PTPRK: variants seen among roughly 807,000 people sequenced by gnomAD.
PTPRK encodes receptor-type tyrosine-protein phosphatase kappa.
Under a neutral mutation model 178.0 loss-of-function variants are expected in PTPRK, and 75 were observed. That is an observed-to-expected ratio of 0.42 (90% CI 0.35 to 0.51). PTPRK has a LOEUF of 0.51. Ranked by LOEUF, PTPRK falls within the 20% of genes least tolerant of loss-of-function variation. The pLI, the probability that PTPRK is intolerant of heterozygous loss-of-function variation, is 0.02. For missense variants in PTPRK, 1,441 were observed against 1,797.8 expected, an observed-to-expected ratio of 0.80 and a Z score of 3.59; for synonymous variants, 637 against 620.6, an observed-to-expected ratio of 1.03 and a Z score of -0.39.
At chr6:128,170,992 T>G (rs1800161720) in intron 7 of PTPRK, among the ~76,000 whole-genome samples, 1 of 151,786 alleles carries the variant, frequency 6.6e-6, no homozygotes, top group African/African-American at 2.4e-5. Flanking sequence ...AATAAACGAA[T>G]TACACATTTC....
At chr6:128,055,239 A>C (rs1281958897) in intron 13 of PTPRK, among the ~76,000 whole-genome samples, 1 of 152,230 alleles carries the variant, frequency 6.6e-6, no homozygotes, top group East Asian at 1.9e-4. Context: ...AACAGCCCTC[A>C]AAGCACTTTC....
intron 1 of PTPRK, among the ~76,000 whole-genome samples, chr6:128,504,235 A>G (rs1289148048): frequency 1.3e-5 from 2 of 152,168 alleles, no homozygotes; most frequent in Admixed American, 6.5e-5. Context: ...TGCTGACATG[A>G]CATCCTGCCC....
chr6:128,433,826 G>GTTTTT (rs563277558), intron 1 of PTPRK, among the ~76,000 whole-genome samples: 51 of 129,356 alleles, frequency 3.9e-4, no homozygotes, highest in African/African-American at 1.3e-3. Flanking sequence ...CTCTAACACT[G>GTTTTT]TTTTTTTTTT....
intron 2 of PTPRK, among the ~76,000 whole-genome samples, chr6:128,395,172 A>G (rs1840127817): frequency 6.6e-6 from 1 of 152,188 alleles, no homozygotes; most frequent in African/African-American, 2.4e-5. Context: ...TATCAGAAGG[A>G]AAATGAAAAA....
chr6:127,990,663 T>A (rs1776503800), intron 21 of PTPRK, 106 bp downstream of exon 21: 2 of 709,146 alleles, frequency 2.8e-6, no homozygotes, highest in Admixed American at 4.9e-5. Context: ...AATGAATACA[T>A]GAATGAATGG....
chr6:128,160,593 G>A (rs1798568267), intron 7 of PTPRK, among the ~76,000 whole-genome samples: 1 of 151,622 alleles, frequency 6.6e-6, no homozygotes, highest in South Asian at 2.1e-4. Flanking sequence ...CATTAGCCAT[G>A]TGCTTGGCCA....
chr6:128,329,671 T>G (rs556556732), intron 2 of PTPRK, among the ~76,000 whole-genome samples: 2 of 152,212 alleles, frequency 1.3e-5, no homozygotes, highest in East Asian at 3.9e-4. Context: ...GATTTCTTAC[T>G]CCTTATTCAT....
chr6:128,066,324 G>A (rs1781748881), intron 12 of PTPRK, among the ~76,000 whole-genome samples: 1 of 152,152 alleles, frequency 6.6e-6, no homozygotes, highest in Non-Finnish European at 1.5e-5. Flanking sequence ...CTTCAACCAT[G>A]AGCAGCCTCT....
intron 7 of PTPRK, among the ~76,000 whole-genome samples, chr6:128,136,425 T>G (rs1031969563): frequency 7.9e-5 from 12 of 152,238 alleles, no homozygotes; most frequent in African/African-American, 2.9e-4. Context: ...AGGATCGGAA[T>G]GTGTAAGGGA....
rs549349893 is a variant in PTPRK, at chr6:127,970,530, T to A, written c.4270-250A>T. 3.9e-5 allele frequency among the ~76,000 whole-genome samples: 6 copies of A among 152,232 alleles called. No individual in the cohort carries two copies. In the East Asian group the frequency reaches 1.2e-3, roughly 29 times the overall value. Reference sequence around the variant, plus strand: ...GCATATTTTCTATCAATTTTTTAAATATCTATAATTTTTTATCTGTTTATA... The same window carrying A: ...GCATATTTTCTATCAATTTTTTAAAAATCTATAATTTTTTATCTGTTTATA... On this transcript the variant is annotated intron_variant, in intron 29 of 29. Coordinates refer to ENST00000368226, the MANE Select transcript of PTPRK (RefSeq NM_002844.4).
At chr6:128,156,018 C>T (rs946215440) in intron 7 of PTPRK, among the ~76,000 whole-genome samples, 1 of 151,840 alleles carries the variant, frequency 6.6e-6, no homozygotes, top group Admixed American at 6.6e-5. Context: ...GTTTAAGAAA[C>T]GTAAGTTCTG....
chr6:127,995,170 CAG>C, intron 18 of PTPRK: 3 of 1,352,566 alleles, frequency 2.2e-6, no homozygotes. Flanking sequence ...CTAGTAGTAA[CAG>C]AGCGTTAGTA....
intron 6 of PTPRK, among the ~76,000 whole-genome samples, chr6:128,208,422 G>C (rs1409291664): frequency 2.6e-5 from 4 of 152,034 alleles, no homozygotes; most frequent in Non-Finnish European, 5.9e-5. Context: ...CCTGTAGAGA[G>C]TTTGCTTTAT....
intron 13 of PTPRK, among the ~76,000 whole-genome samples, chr6:128,019,391 CAAAA>C (rs762807178): frequency 6.6e-6 from 1 of 151,844 alleles, no homozygotes; most frequent in Non-Finnish European, 1.5e-5. Context: ...TACTACCTAA[CAAAA>C]AGAAAGGAAA....
intron 13 of PTPRK, among the ~76,000 whole-genome samples, chr6:128,057,676 A>T (rs1412495502): frequency 6.6e-6 from 1 of 152,130 alleles, no homozygotes; most frequent in African/African-American, 2.4e-5. Context: ...TGTCCATGTG[A>T]CTTCTCCCTG....
chr6:127,981,341 T>C, intron 24 of PTPRK, 52 bp from the exon 25 acceptor site: 5 of 1,478,430 alleles, frequency 3.4e-6, no homozygotes, highest in Non-Finnish European at 4.6e-6. Flanking sequence ...CATTTAACAG[T>C]ATAACACAGA....
At chr6:128,010,463 CTTT>C (rs1778929271) in intron 13 of PTPRK, among the ~76,000 whole-genome samples, 1 of 151,234 alleles carries the variant, frequency 6.6e-6, no homozygotes, top group Admixed American at 6.6e-5. Context: ...ATCCTTTCTT[CTTT>C]ACCTTCTCCT....
chr6:128,304,449 A>G (rs1252467354), intron 3 of PTPRK, among the ~76,000 whole-genome samples: 1 of 152,232 alleles, frequency 6.6e-6, no homozygotes, highest in African/African-American at 2.4e-5. Flanking sequence ...GGACTTTAAG[A>G]GAAAAAGTTA....
intron 15 of PTPRK, among the ~76,000 whole-genome samples, chr6:128,002,335 A>G (rs1465005425): frequency 6.6e-6 from 1 of 151,832 alleles, no homozygotes; most frequent in Non-Finnish European, 1.5e-5. Flanking sequence ...TTGGGAATTT[A>G]CAAGATATAT....
Sources: gnomAD v4.1 joint callset for allele counts (sites outside exome capture counted in the v4.1 genomes callset) on GRCh38, gnomAD v4.1.1 for gene constraint, MANE v1.5 for transcripts, NCBI Gene and HGNC (gene_info 2026-07-23, HGNC 2026-07-21) for gene names.